The following SCN9A variants were observed in gnomAD, a reference collection of about 807,000 sequenced individuals.
The protein encoded by SCN9A is sodium channel protein type 9 subunit alpha.
Under a neutral mutation model 187.0 loss-of-function variants are expected in SCN9A, and 131 were observed. The ratio of observed to expected loss-of-function variants is 0.70; its 90% CI spans 0.61 to 0.81. The LOEUF is 0.81. SCN9A is among the 30% of genes least tolerant of loss of function. SCN9A has a pLI of 0.00. For missense variants in SCN9A, 2,252 were observed against 2,396.6 expected (o/e 0.94, Z 1.26); for synonymous variants, 809 against 808.6 (o/e 1.00, Z -0.01).
chr2:166,297,989 A>T (rs1698391826), intron 7 of SCN9A, among the ~76,000 whole-genome samples: 1 of 152,166 alleles, frequency 6.6e-6, no homozygotes, highest in African/African-American at 2.4e-5. Flanking sequence ...AAAAATGGTA[A>T]TTCTGCCCTT....
rs539974116 is a variant in SCN9A, at chr2:166,253,200, G to T, written c.3352-1315C>A. Among the ~76,000 whole-genome samples, 6 of 151,804 alleles carry T rather than the reference G, an allele frequency of 4.0e-5. No homozygotes were observed. In the South Asian group the frequency reaches 1.2e-3, roughly 31 times the overall value. ...CCTAGTATACAACATCATAAAAATGGCATGGATAAAGTATTGTACATAAGG... is the reference window on the plus strand; with the variant it reads ...CCTAGTATACAACATCATAAAAATGTCATGGATAAAGTATTGTACATAAGG... On this transcript the variant is annotated intron_variant, in intron 17 of 26. Coordinates refer to ENST00000642356, the MANE Select transcript of SCN9A (RefSeq NM_001365536.1).
intron 1 of SCN9A, among the ~76,000 whole-genome samples, chr2:166,318,619 G>A (rs114893976): frequency 7.4e-4 from 112 of 151,554 alleles, no homozygotes; most frequent in Non-Finnish European, 1.3e-3. Context: ...TCAATTCTGG[G>A]TAAAGGTCAT....
At chr2:166,279,205 G>A (rs1697370664) in intron 14 of SCN9A, among the ~76,000 whole-genome samples, 1 of 152,098 alleles carries the variant, frequency 6.6e-6, no homozygotes, top group South Asian at 2.1e-4. Context: ...ATAAATAGAA[G>A]GGAAGAAGAA....
At chr2:166,313,128 A>G (rs931301971) in intron 1 of SCN9A, among the ~76,000 whole-genome samples, 1 of 150,168 alleles carries the variant, frequency 6.7e-6, no homozygotes, top group African/African-American at 2.4e-5. Context: ...TAATATAATT[A>G]TTATGTAATT....
chr2:166,314,399 A>T (rs11890824), intron 1 of SCN9A, among the ~76,000 whole-genome samples: 96,794 of 152,018 alleles, frequency 0.64, 31,475 homozygotes, highest in African/African-American at 0.75. Context: ...ATACACATTC[A>T]AAAGTAGGAT....
intron 9 of SCN9A, among the ~76,000 whole-genome samples, chr2:166,291,747 G>C (rs1216408484): frequency 6.6e-6 from 1 of 152,280 alleles, no homozygotes; most frequent in East Asian, 1.9e-4. Context: ...GAATAGAATA[G>C]AGACCTCAGA....
chr2:166,229,898 C>T (rs1256113480), intron 21 of SCN9A, among the ~76,000 whole-genome samples: 1 of 151,784 alleles, frequency 6.6e-6, no homozygotes, highest in African/African-American at 2.4e-5. Flanking sequence ...TACACTTCAG[C>T]TTGAGCACCC....
intron 12 of SCN9A, 24 bp downstream of exon 12, chr2:166,284,429 C>T: frequency 6.3e-7 from 1 of 1,580,908 alleles, no homozygotes; most frequent in South Asian, 1.1e-5. Context: ...CCAGCCATGC[C>T]TGAGCTATGT....
At chr2:166,370,569 AG>A (rs200884318) in intron 1 of SCN9A, among the ~76,000 whole-genome samples, 1,890 of 151,944 alleles carry the variant, frequency 0.012, 17 homozygotes, top group Non-Finnish European at 0.021. Context: ...AAAAAAAAAA[AG>A]AATCTTTAAA....
chr2:166,306,996 T>G lies in SCN9A; in HGVS notation c.337A>C (p.Ser113Arg), dbSNP rs1698781185. The G allele has an allele frequency of 6.2e-7, 1 of 1,609,920 alleles. No homozygotes were observed. Among genetic ancestry groups the G allele is most frequent in the Non-Finnish European group, 8.5e-7 (1 of 1,176,464 alleles). The change falls in exon 3 of 27, where the codon AGT (serine) becomes CGT (arginine). Residue 113 changes from serine (S) to arginine (R), a missense_variant. Ser to Arg is a moderately radical substitution (Grantham distance 110). Transcript: ENST00000642356. ...TTAATAGATATTCTTCTTAGAGGAC[T>G]GAAAGGAGAAAGCATATATAAAGCA... is the stretch of plus-strand genomic sequence containing the variant. The part of the protein sequence containing the change: ...TPALYMLSPF[S>R]PLRRISIKIL...
At chr2:166,347,346 C>G (rs1434286901) in intron 1 of SCN9A, among the ~76,000 whole-genome samples, 1 of 152,124 alleles carries the variant, frequency 6.6e-6, no homozygotes, top group Non-Finnish European at 1.5e-5. Context: ...TTTCAGAATA[C>G]AGATGAAAAT....
At chr2:166,323,368 T>C (rs1351525667) in intron 1 of SCN9A, among the ~76,000 whole-genome samples, 1 of 152,174 alleles carries the variant, frequency 6.6e-6, no homozygotes, top group Non-Finnish European at 1.5e-5. Flanking sequence ...AGTCAAATAT[T>C]GGAAGCAGAC....
intron 24 of SCN9A, among the ~76,000 whole-genome samples, chr2:166,205,751 G>T (rs967800790): frequency 6.6e-6 from 1 of 151,982 alleles, no homozygotes; most frequent in African/African-American, 2.4e-5. Flanking sequence ...GAAAATTTTT[G>T]CAATTTATCC....
chr2:166,311,918 CAT>C (rs1300387998), intron 1 of SCN9A, 112 bp from the exon 2 acceptor site: 6 of 588,556 alleles, frequency 1.0e-5, no homozygotes, highest in African/African-American at 1.9e-5. Context: ...CAAAAGGTAA[CAT>C]GTTCTAGAAT....
At chr2:166,300,353 C>T (rs922060540) in intron 7 of SCN9A, among the ~76,000 whole-genome samples, 2 of 150,676 alleles carry the variant, frequency 1.3e-5, no homozygotes, top group Non-Finnish European at 2.9e-5. Context: ...GAAGCAGCAC[C>T]CCCCACACAT....
intron 24 of SCN9A, chr2:166,204,853 T>C (rs1693721415): frequency 6.5e-6 from 1 of 153,314 alleles, no homozygotes; most frequent in Admixed American, 6.5e-5. Context: ...ATTTGGCAAA[T>C]ATTTAGAACT....
In SCN9A at chr2:166,199,170, G is replaced by A. The variant is rs1177979537; in HGVS notation, c.5469C>T (p.Leu1823=). 2.5e-6 allele frequency: 4 copies of A among 1,614,066 alleles called. No homozygotes were observed. Among genetic ancestry groups the A allele is most frequent in the South Asian group, 1.1e-5 (1 of 91,090 alleles). ...TAACCATGGGCAGATCCATGGCAAT[G>A]AGCTGGACTTTGTTGGGTTTTGCTA... The part of the protein sequence containing the change: ...LLIAKPNKVQ[L]IAMDLPMVSG... The change falls in exon 27 of 27, where the codon CTC becomes CTT. Residue 1823 remains leucine (L), a synonymous_variant. Coordinates refer to ENST00000642356, the MANE Select transcript of SCN9A (RefSeq NM_001365536.1).
rs1559030991 is a variant in SCN9A, at chr2:166,306,980, ATTC to A, written c.350_352del (p.Arg117del). Reference sequence around the variant, plus strand: ...TGAGTGTACTAAAATCTTAATAGATATTCTTCTTAGAGGACTGAAAGGAGAAAG... The same window carrying A: ...TGAGTGTACTAAAATCTTAATAGATATTCTTAGAGGACTGAAAGGAGAAAG... On this transcript the variant is annotated inframe_deletion, in exon 3 of 27. Transcript: ENST00000642356. 1 of 1,597,204 alleles carries A rather than the reference ATTC, an allele frequency of 6.3e-7. No homozygotes were observed. The highest frequency in any genetic ancestry group is 8.6e-7 in the Non-Finnish European group (1 of 1,165,200).
rs200689065 is a variant in SCN9A at position 166,272,543 on chromosome 2, G to A, written c.3207C>T (p.His1069=). 429 of 1,613,348 alleles carry A rather than the reference G, an allele frequency of 2.7e-4. No individual in the cohort carries two copies. Among genetic ancestry groups the A allele is most frequent in the Non-Finnish European group, 3.4e-4 (404 of 1,179,718 alleles). The change falls in exon 17 of 27, where the codon CAC becomes CAT. Residue 1069 remains histidine, a synonymous_variant. Transcript: ENST00000642356. ...ISGFGSSVDK[H]LMEDSDGQSF... is the part of the protein sequence containing the mutation. ...ATTGACCATCACTGTCTTCCATCAAGTGTTTGTCCACGCTGCTTCCAAAAC... is the reference window on the plus strand; with the variant it reads ...ATTGACCATCACTGTCTTCCATCAAATGTTTGTCCACGCTGCTTCCAAAAC...
Sources: allele counts gnomAD v4.1 joint callset (sites outside exome capture counted in the v4.1 genomes callset), GRCh38; gene constraint gnomAD v4.1.1; transcripts MANE v1.5; gene names NCBI Gene and HGNC (gene_info 2026-07-23, HGNC 2026-07-21).